The following MYO3A variants were observed in gnomAD, a reference collection of about 807,000 sequenced individuals.
The protein encoded by MYO3A is myosin-IIIa.
A neutral mutation model predicts 192.7 loss-of-function variants in MYO3A; 180 were observed. The observed-to-expected ratio is 0.93, with a 90% confidence interval of 0.83 to 1.06. The LOEUF (loss-of-function observed/expected upper bound fraction) is 1.06. Ranked by LOEUF, MYO3A falls within the 50% of genes least tolerant of loss-of-function variation. The pLI is 0.00. For synonymous variants in MYO3A, 628 were observed against 645.3 expected, an observed-to-expected ratio of 0.97 and a Z score of 0.41; for missense variants, 1,896 against 1,905.0, an observed-to-expected ratio of 1.00 and a Z score of 0.09.
In MYO3A at chr10:26,212,157, C is replaced by A. The variant is rs1372747813; in HGVS notation, c.*194C>A. On this transcript the variant is annotated 3_prime_UTR_variant, in exon 35 of 35. Transcript: ENST00000642920. ...GCTCCGAAACAAGAGACCTGGGAGC[C>A]CTCGGGAAACCTCCCCCGACGCTCT... 7 of 743,190 alleles carry A rather than the reference C, an allele frequency of 9.4e-6. No homozygotes were observed. Among genetic ancestry groups the A allele is most frequent in the Non-Finnish European group, 1.4e-5 (7 of 483,598 alleles). 46.0% of individuals were successfully genotyped at this position (743,190 alleles called of 1,614,324 possible).
At chr10:26,176,243 G>C (rs1307877774) in intron 30 of MYO3A, among the ~76,000 whole-genome samples, 1 of 151,472 alleles carries the variant, frequency 6.6e-6, no homozygotes, top group African/African-American at 2.4e-5. Context: ...GCAGTGAGCG[G>C]AGATCGCACC....
At chr10:26,043,906 A>G (rs1843496400) in intron 10 of MYO3A, among the ~76,000 whole-genome samples, 1 of 152,136 alleles carries the variant, frequency 6.6e-6, no homozygotes, top group Admixed American at 6.5e-5. Context: ...TAGCCATCAC[A>G]GCTGGTAATG....
intron 15 of MYO3A, among the ~76,000 whole-genome samples, chr10:26,093,430 A>G (rs559720158): frequency 6.6e-6 from 1 of 152,334 alleles, no homozygotes; most frequent in African/African-American, 2.4e-5. Context: ...CTTGTATGCA[A>G]TGTTGGTGTT....
chr10:25,995,837 T>C (rs1222889327), intron 4 of MYO3A, among the ~76,000 whole-genome samples: 6 of 152,168 alleles, frequency 3.9e-5, no homozygotes, highest in African/African-American at 1.4e-4. Flanking sequence ...GAACAGCAAA[T>C]GTTGCTGTCT....
At chr10:26,085,710 A>C (rs1227435720) in intron 14 of MYO3A, among the ~76,000 whole-genome samples, 1 of 152,202 alleles carries the variant, frequency 6.6e-6, no homozygotes, top group Non-Finnish European at 1.5e-5. Flanking sequence ...CTCTGGTGGA[A>C]GGGAGCTCCC....
chr10:26,170,356 TAAAGTA>T, intron 28 of MYO3A, 54 bp from the exon 29 acceptor site: 1 of 1,576,282 alleles, frequency 6.3e-7, no homozygotes, highest in Admixed American at 1.7e-5. Flanking sequence ...TTCTACTCTT[TAAAGTA>T]AATTTCTTTT....
At chr10:26,144,112 A>G (rs1840320687) in intron 21 of MYO3A, among the ~76,000 whole-genome samples, 4 of 152,126 alleles carry the variant, frequency 2.6e-5, no homozygotes. Context: ...AAATGTATTC[A>G]TTTTTTGTGT....
chr10:26,061,119 C>G (rs1235429538), intron 10 of MYO3A, among the ~76,000 whole-genome samples: 1 of 151,820 alleles, frequency 6.6e-6, no homozygotes, highest in Non-Finnish European at 1.5e-5. Flanking sequence ...TTAGTAGAGA[C>G]GGGGTTTCAC....
chr10:26,006,202 T>C (rs912132773), intron 6 of MYO3A, among the ~76,000 whole-genome samples: 3 of 151,922 alleles, frequency 2.0e-5, no homozygotes, highest in Non-Finnish European at 4.4e-5. Context: ...AGACACAACA[T>C]ACCAGAATCT....
At chr10:26,067,169 A>T (rs184435347) in intron 11 of MYO3A, 95 bp downstream of exon 11, 5 of 807,004 alleles carry the variant, frequency 6.2e-6, no homozygotes, top group South Asian at 5.7e-5. Flanking sequence ...GAATATATAG[A>T]TTATGATGGT....
chr10:26,043,705 T>G (rs1843484747), intron 10 of MYO3A, among the ~76,000 whole-genome samples: 1 of 152,142 alleles, frequency 6.6e-6, no homozygotes, highest in South Asian at 2.1e-4. Flanking sequence ...TGACTTAGCC[T>G]TCAGGGCAGC....
chr10:26,085,476 A>G lies in MYO3A; in HGVS notation c.1360-2727A>G, dbSNP rs1836249633. Among the ~76,000 whole-genome samples the G allele has an allele frequency of 1.3e-5, 2 of 151,982 alleles. 1 individual carries two copies. Among genetic ancestry groups the G allele is most frequent in the South Asian group, 4.1e-4 (2 of 4,822 alleles). On this transcript the variant is annotated intron_variant, in intron 14 of 34. Coordinates refer to ENST00000642920, the MANE Select transcript of MYO3A (RefSeq NM_017433.5). ...TTTTCCTTGCTGTTTGTCTCAAGGT[A>G]TTTTTTTACTTTCCCTTTTACTTTC... is the stretch of plus-strand genomic sequence containing the variant.
chr10:26,176,975 C>T (rs1326930300), intron 31 of MYO3A, 130 bp downstream of exon 31: 2 of 1,064,482 alleles, frequency 1.9e-6, no homozygotes, highest in African/African-American at 1.6e-5. Context: ...ACCTTTATTT[C>T]ATTTCTTATA....
At chr10:26,117,784 A>G (rs1838604874) in intron 17 of MYO3A, among the ~76,000 whole-genome samples, 1 of 152,198 alleles carries the variant, frequency 6.6e-6, no homozygotes, top group South Asian at 2.1e-4. Context: ...GCTATTGTGA[A>G]TAGTGCTGCA....
At chr10:25,956,941 T>G (rs912101361) in intron 4 of MYO3A, among the ~76,000 whole-genome samples, 1 of 152,140 alleles carries the variant, frequency 6.6e-6, no homozygotes, top group African/African-American at 2.4e-5. Context: ...GTCCATGTGT[T>G]CTCATAATTT....
At chr10:26,204,195 C>A (rs2132219488) in intron 34 of MYO3A, 1 of 152,314 alleles carries the variant, frequency 6.6e-6, no homozygotes, top group South Asian at 2.1e-4. Context: ...CTAGTCTAAT[C>A]TCAGAGCTCT....
intron 10 of MYO3A, among the ~76,000 whole-genome samples, chr10:26,065,436 A>G (rs556862764): frequency 2.0e-5 from 3 of 152,006 alleles, no homozygotes; most frequent in East Asian, 3.9e-4. Flanking sequence ...ATGCAAAAAA[A>G]TTAGCTGAGC....
At chr10:26,111,198 T>C (rs2131640413) in intron 17 of MYO3A, among the ~76,000 whole-genome samples, 1 of 152,196 alleles carries the variant, frequency 6.6e-6, no homozygotes, top group East Asian at 1.9e-4. Flanking sequence ...ATAAGTGTGT[T>C]CATAATGGCT....
chr10:26,031,652 G>C (rs1842806293), intron 10 of MYO3A, among the ~76,000 whole-genome samples: 1 of 152,188 alleles, frequency 6.6e-6, no homozygotes, highest in Non-Finnish European at 1.5e-5. Flanking sequence ...CCATTATATG[G>C]AATATTTTTT....
Sources: allele counts gnomAD v4.1 joint callset (sites outside exome capture counted in the v4.1 genomes callset), GRCh38; gene constraint gnomAD v4.1.1; transcripts MANE v1.5; gene names NCBI Gene and HGNC (gene_info 2026-07-23, HGNC 2026-07-21).